IFT140: variants seen among roughly 807,000 people sequenced by gnomAD.
The protein encoded by IFT140 is intraflagellar transport 140.
IFT140 carries 133 observed loss-of-function variants against 164.6 expected under a neutral mutation model. That is an observed-to-expected ratio of 0.81 (90% CI 0.70 to 0.93). The LOEUF is 0.93. Ranked by LOEUF, IFT140 falls within the 40% of genes least tolerant of loss-of-function variation. The probability of loss-of-function intolerance (pLI) is 0.00; values close to 1 mark genes in which losing one functional copy is unlikely to be tolerated. For synonymous variants in IFT140, 860 were observed against 817.3 expected, an observed-to-expected ratio of 1.05 and a Z score of -0.89; for missense variants, 2,045 against 1,972.3, an observed-to-expected ratio of 1.04 and a Z score of -0.70.
Position 1,519,873 on chromosome 16 carries a change from G to A in IFT140, c.4040+8C>T. 1 of 1,526,770 alleles carries A rather than the reference G, an allele frequency of 6.5e-7. No individual in the cohort carries two copies. Among genetic ancestry groups the A allele is most frequent in the South Asian group, 1.3e-5 (1 of 77,244 alleles). 94.6% of individuals were successfully genotyped at this position (1,526,770 alleles called of 1,614,324 possible). A position where few individuals can be genotyped will look rare whatever the true frequency, so the allele number is the denominator to read the frequency against. On this transcript the variant is annotated splice_region_variant and intron_variant, in intron 29 of 30. Transcript: ENST00000426508. The stretch of plus-strand genomic sequence containing the variant: ...CCTGGCCTGTCCCCGCTGGCCCCGG[G>A]GGCACACCTGCGGGCCTGGATGAAC...
At chr16:1,581,599 G>A (rs1021125437) in intron 12 of IFT140, among the ~76,000 whole-genome samples, 11 of 150,916 alleles carry the variant, frequency 7.3e-5, no homozygotes, top group African/African-American at 1.2e-4. Context: ...GACTGTCTCA[G>A]AAAGAATCTA....
intron 19 of IFT140, among the ~76,000 whole-genome samples, chr16:1,543,587 C>T (rs749244918): frequency 1.3e-5 from 2 of 152,242 alleles, no homozygotes; most frequent in African/African-American, 2.4e-5. Flanking sequence ...ACTAAACTAA[C>T]GTGAGCCTCT....
At chr16:1,523,806 C>G (rs2040592978) in intron 25 of IFT140, 22 bp downstream of exon 25, 6 of 1,610,036 alleles carry the variant, frequency 3.7e-6, no homozygotes, top group Non-Finnish European at 5.1e-6. Context: ...CCCCCAGGTC[C>G]CCACCGGTGG....
In IFT140 at chr16:1,552,880, C is replaced by T. The variant is rs1050990242; in HGVS notation, c.2399+5055G>A. The stretch of plus-strand genomic sequence containing the variant: ...ATCTTGGCCAGGCTGGTCTTGAACT[C>T]GTGACCTCGTGATCCACCCGCCTCA... On this transcript the variant is annotated intron_variant, in intron 19 of 30. Coordinates refer to ENST00000426508, the MANE Select transcript of IFT140 (RefSeq NM_014714.4). 6 of 736,302 alleles carry T rather than the reference C, an allele frequency of 8.1e-6. 1 individual carries two copies. In the South Asian group the frequency reaches 1.9e-4, roughly 23 times the overall value. The allele number at this position is 736,302 out of a possible 1,614,324, so 45.6% of individuals were successfully genotyped here.
intron 14 of IFT140, among the ~76,000 whole-genome samples, 190 bp downstream of exon 14, chr16:1,571,217 C>A (rs1270136318): frequency 6.6e-6 from 1 of 152,230 alleles, no homozygotes; most frequent in African/African-American, 2.4e-5. Flanking sequence ...CTCTCCCCGA[C>A]ACGGCTCCAC....
At position 1,607,214 on chromosome 16, in the gene IFT140, G is replaced by A. The variant is rs753446904; in HGVS notation, c.53C>T (p.Pro18Leu). The A allele has an allele frequency of 1.2e-6, 2 of 1,614,136 alleles. No individual in the cohort carries two copies. The highest frequency in any genetic ancestry group is 1.7e-6 in the Non-Finnish European group (2 of 1,180,012). The change falls in exon 3 of 31, where the codon CCC (proline) becomes CTC (leucine). Residue 18 changes from proline to leucine, a missense_variant. Coordinates refer to ENST00000426508, the MANE Select transcript of IFT140 (RefSeq NM_014714.4). ...QIEAPDAAGS[P>L]SFISWHPVHP... The stretch of plus-strand genomic sequence containing the variant: ...GACAGGGTGCCAGCTGATAAATGAG[G>A]GTGACCCTGCTGCATCCGGGGCTTC...
Position 1,510,898 on chromosome 16 carries a change from A to C in IFT140, c.*46T>G, listed in dbSNP as rs761282751. On this transcript the variant is annotated 3_prime_UTR_variant, in exon 31 of 31. Coordinates refer to ENST00000426508, the MANE Select transcript of IFT140 (RefSeq NM_014714.4). Reference sequence around the variant, plus strand: ...GCCACAGCTGACAAAAAAATTCCAGAAGATGCCTTTCTGCAGCAGCACGCT... The same window carrying C: ...GCCACAGCTGACAAAAAAATTCCAGCAGATGCCTTTCTGCAGCAGCACGCT... 1.2e-4 allele frequency: 181 copies of C among 1,556,368 alleles called. 1 individual carries two copies. The highest frequency in any genetic ancestry group is 1.4e-4 in the Admixed American group (8 of 57,220).
rs1375365148 is a variant in IFT140 at position 1,523,590 on chromosome 16, GGCC to G, written c.3378_3380del (p.Ala1127del). ...GCTCGATGAAGAAGTCGGAGCAGCG[GGCC>G]AGGAGCGCAGGGTCTGACGTCTCAT... On this transcript the variant is annotated inframe_deletion, in exon 26 of 31. Coordinates refer to ENST00000426508, the MANE Select transcript of IFT140 (RefSeq NM_014714.4). The G allele has an allele frequency of 1.9e-6, 3 of 1,613,720 alleles. No individual in the cohort carries two copies. Among genetic ancestry groups the G allele is most frequent in the Non-Finnish European group, 2.5e-6 (3 of 1,180,006 alleles).
In IFT140 at chr16:1,523,563, G is replaced by C. The variant is rs374602347; in HGVS notation, c.3408C>G (p.His1136Gln). ...GCTCTACCGCCCTCTCGTACTGACT[G>C]TGCTCGATGAAGAAGTCGGAGCAGC... ...LARCSDFFIE[H>Q]SQYERAVELL... Residue 1136 changes from histidine to glutamine, a missense_variant, in exon 26 of 31, where the codon CAC (histidine) becomes CAG (glutamine). By Grantham distance (24) the His-to-Gln change is conservative. Coordinates refer to ENST00000426508, the MANE Select transcript of IFT140 (RefSeq NM_014714.4). 6.2e-6 allele frequency: 10 copies of C among 1,613,480 alleles called. No individual in the cohort carries two copies. The African/African-American group carries it at 1.3e-4, about 21-fold the overall frequency.
At chr16:1,539,773 C>T (rs2031450508) in intron 19 of IFT140, among the ~76,000 whole-genome samples, 1 of 152,302 alleles carries the variant, frequency 6.6e-6, no homozygotes, top group African/African-American at 2.4e-5. Flanking sequence ...TGCCTGTCTG[C>T]GGGCAGGCAG....
chr16:1,589,344 G>A (rs1221048617), intron 7 of IFT140, among the ~76,000 whole-genome samples: 1 of 152,182 alleles, frequency 6.6e-6, no homozygotes, highest in Non-Finnish European at 1.5e-5. Context: ...GGTGCAGCTT[G>A]GGGGTGGGCC....
At chr16:1,534,462 G>A in intron 19 of IFT140, 1 of 1,611,076 alleles carries the variant, frequency 6.2e-7, no homozygotes, top group Non-Finnish European at 8.5e-7. Context: ...GAGCCCTGGG[G>A]CCAGAGCCGG....
chr16:1,542,106 G>A (rs371134643), intron 19 of IFT140: 64 of 1,553,650 alleles, frequency 4.1e-5, no homozygotes, highest in East Asian at 2.4e-5. Context: ...TGGCCACCGC[G>A]CCCTTGCCCC....
At chr16:1,591,364 C>T (rs2035172625) in intron 6 of IFT140, among the ~76,000 whole-genome samples, 1 of 152,214 alleles carries the variant, frequency 6.6e-6, no homozygotes, top group Non-Finnish European at 1.5e-5. Context: ...TCCATTAGCT[C>T]TATGTCTTCA....
rs571581781 is a variant in IFT140, at chr16:1,591,127, G to A, written c.634+1049C>T. On this transcript the variant is annotated intron_variant, in intron 6 of 30. Coordinates refer to ENST00000426508, the MANE Select transcript of IFT140 (RefSeq NM_014714.4). The stretch of plus-strand genomic sequence containing the variant: ...CTCACCCACAAAGCCTACAGCTCCC[G>A]GACAACCGGCAGGAATTCGCAGCCC... Among the ~76,000 whole-genome samples the A allele has an allele frequency of 3.3e-5, 5 of 152,128 alleles. No individual in the cohort carries two copies. The East Asian group carries it at 5.8e-4, about 18-fold the overall frequency.
At chr16:1,597,768 T>C (rs2035537958) in intron 4 of IFT140, among the ~76,000 whole-genome samples, 1 of 152,174 alleles carries the variant, frequency 6.6e-6, no homozygotes, top group Non-Finnish European at 1.5e-5. Flanking sequence ...GCCTGGATAA[T>C]CTATTTTGCT....
chr16:1,524,003 C>T (rs372779059), intron 24 of IFT140, 47 bp from the exon 25 acceptor site: 11 of 1,592,622 alleles, frequency 6.9e-6, no homozygotes, highest in Middle Eastern at 1.7e-4. Flanking sequence ...ACTGGCTTCC[C>T]CAGGTCCGCT....
intron 30 of IFT140, among the ~76,000 whole-genome samples, chr16:1,513,671 C>CT (rs113508951): frequency 0.11 from 9,763 of 91,500 alleles, 521 homozygotes; most frequent in East Asian, 0.3. Context: ...TCACAACTTT[C>CT]TTTTTTTTTT....
chr16:1,515,590 G>T (rs2040313294), intron 30 of IFT140, among the ~76,000 whole-genome samples: 1 of 151,962 alleles, frequency 6.6e-6, no homozygotes, highest in East Asian at 1.9e-4. Context: ...CAGAGATGGG[G>T]TCTCACTTGT....
Sources: gnomAD v4.1 joint callset for allele counts (sites outside exome capture counted in the v4.1 genomes callset) on GRCh38, gnomAD v4.1.1 for gene constraint, MANE v1.5 for transcripts, NCBI Gene and HGNC (gene_info 2026-07-23, HGNC 2026-07-21) for gene names.